Variants in DPP10 observed in about 807,000 individuals in gnomAD.
DPP10 encodes the protein inactive dipeptidyl peptidase 10.
A neutral mutation model predicts 120.9 loss-of-function variants in DPP10; 33 were observed. The observed-to-expected ratio is 0.27, with a 90% CI of 0.21 to 0.37. The LOEUF (loss-of-function observed/expected upper bound fraction) is 0.37. Among genes scored for constraint, DPP10 ranks in the 10% least tolerant of loss-of-function variants. The pLI is 1.00. For synonymous variants in DPP10, 337 were observed against 326.1 expected (o/e 1.03, Z -0.36); for missense variants, 816 against 942.8 (o/e 0.87, Z 1.76).
intron 1 of DPP10, among the ~76,000 whole-genome samples, chr2:114,581,626 A>T (rs1289454666): frequency 2.6e-5 from 4 of 152,116 alleles, no homozygotes; most frequent in Non-Finnish European, 5.9e-5. Flanking sequence ...GGCCTTTTAT[A>T]GTTACTCTTT....
At chr2:114,739,558 C>A (rs1033672218) in intron 1 of DPP10, among the ~76,000 whole-genome samples, 2 of 152,054 alleles carry the variant, frequency 1.3e-5, no homozygotes, top group African/African-American at 2.4e-5. Flanking sequence ...ACTTGGGAGG[C>A]TGAGACAGGA....
At chr2:114,877,212 T>G in intron 1 of DPP10, among the ~76,000 whole-genome samples, 1 of 152,066 alleles carries the variant, frequency 6.6e-6, no homozygotes, top group South Asian at 2.1e-4. Flanking sequence ...AACTTCCTGA[T>G]GTGTGCATAT....
intron 1 of DPP10, among the ~76,000 whole-genome samples, chr2:114,595,440 A>G (rs1691827580): frequency 1.3e-5 from 2 of 152,120 alleles, no homozygotes; most frequent in African/African-American, 4.8e-5. Flanking sequence ...TGGCCCAGAA[A>G]TTGTAGAAAA....
chr2:114,565,881 A>ATTCG (rs1052572787), intron 1 of DPP10, among the ~76,000 whole-genome samples: 2 of 152,154 alleles, frequency 1.3e-5, no homozygotes, highest in African/African-American at 4.8e-5. Context: ...GAATAGATTC[A>ATTCG]TTCATTCATT....
At chr2:115,638,066 T>C (rs569707271) in intron 5 of DPP10, among the ~76,000 whole-genome samples, 4 of 152,246 alleles carry the variant, frequency 2.6e-5, no homozygotes, top group Non-Finnish European at 5.9e-5. Flanking sequence ...ACTTTTCCTC[T>C]GAATAAGATT....
chr2:115,790,048 G>GTA (rs1444401051), intron 17 of DPP10, among the ~76,000 whole-genome samples: 1 of 150,262 alleles, frequency 6.7e-6, no homozygotes, highest in African/African-American at 2.4e-5. Context: ...ATATGTGAAT[G>GTA]TATATATATG....
At chr2:114,832,467 C>T (rs1227446933) in intron 1 of DPP10, among the ~76,000 whole-genome samples, 2 of 152,040 alleles carry the variant, frequency 1.3e-5, no homozygotes, top group African/African-American at 2.4e-5. Flanking sequence ...TCCAAGAGTT[C>T]GAGGTTGCAG....
At chr2:115,518,873 T>C (rs1032607433) in intron 4 of DPP10, among the ~76,000 whole-genome samples, 24 of 152,166 alleles carry the variant, frequency 1.6e-4, no homozygotes, top group African/African-American at 5.3e-4. Flanking sequence ...ATATGCTGTA[T>C]TCTTTAATGC....
intron 1 of DPP10, among the ~76,000 whole-genome samples, chr2:114,698,991 C>A (rs1700227026): frequency 6.6e-6 from 1 of 152,090 alleles, no homozygotes. Context: ...ACTTCCCAGG[C>A]ATTATGCTTT....
intron 1 of DPP10, among the ~76,000 whole-genome samples, chr2:114,468,714 G>T (rs1056545811): frequency 2.6e-5 from 4 of 152,132 alleles, no homozygotes; most frequent in African/African-American, 9.7e-5. Flanking sequence ...ACTGCATCTT[G>T]AATGCTGCTT....
chr2:115,269,130 G>C (rs993718321), intron 1 of DPP10, among the ~76,000 whole-genome samples: 1 of 152,218 alleles, frequency 6.6e-6, no homozygotes, highest in Non-Finnish European at 1.5e-5. Flanking sequence ...CTAGGTGACA[G>C]AGTGAGACTC....
At chr2:115,792,957 C>A (rs188103240) in intron 19 of DPP10, among the ~76,000 whole-genome samples, 1 of 152,084 alleles carries the variant, frequency 6.6e-6, no homozygotes, top group African/African-American at 2.4e-5. Context: ...TGCCCACTTG[C>A]GTATCCACCT....
intron 1 of DPP10, among the ~76,000 whole-genome samples, chr2:115,264,707 A>G (rs1467651524): frequency 3.3e-5 from 5 of 152,242 alleles, no homozygotes; most frequent in Non-Finnish European, 5.9e-5. Flanking sequence ...CTTGAGAAAG[A>G]TAATAGACAA....
At chr2:115,620,412 T>C (rs2084856799) in intron 5 of DPP10, among the ~76,000 whole-genome samples, 1 of 152,258 alleles carries the variant, frequency 6.6e-6, no homozygotes, top group Non-Finnish European at 1.5e-5. Flanking sequence ...TAGTTCATCA[T>C]TCTTTTCAGA....
rs900111043 is a variant in DPP10 at position 114,828,209 on chromosome 2, G to A, written c.60+385371G>A. ...CTCTGATAATGGGTAGATGGTCTAC[G>A]GCCATACCACCCTGAACACTCCCCG... On this transcript the variant is annotated intron_variant, in intron 1 of 25. Coordinates refer to ENST00000410059, the MANE Select transcript of DPP10 (RefSeq NM_020868.6). Among the ~76,000 whole-genome samples the A allele has an allele frequency of 3.3e-5, 5 of 152,138 alleles. No homozygotes were observed. In the East Asian group the frequency reaches 9.7e-4, roughly 29 times the overall value.
chr2:114,519,278 C>T (rs1249939428), intron 1 of DPP10, among the ~76,000 whole-genome samples: 3 of 152,216 alleles, frequency 2.0e-5, no homozygotes, highest in Non-Finnish European at 4.4e-5. Flanking sequence ...CTGTTTTCCT[C>T]ATCTTAGCGA....
chr2:114,768,584 C>T (rs1680954150), intron 1 of DPP10, among the ~76,000 whole-genome samples: 1 of 152,112 alleles, frequency 6.6e-6, no homozygotes, highest in African/African-American at 2.4e-5. Context: ...CTGGATAAGT[C>T]AGGATACTTT....
chr2:115,449,606 C>T (rs1037354512), intron 3 of DPP10, among the ~76,000 whole-genome samples: 11 of 151,960 alleles, frequency 7.2e-5, no homozygotes, highest in Non-Finnish European at 1.5e-4. Context: ...TGAACACATC[C>T]CAGTCTCTCT....
At chr2:115,395,161 G>T (rs1370527500) in intron 3 of DPP10, among the ~76,000 whole-genome samples, 1 of 152,174 alleles carries the variant, frequency 6.6e-6, no homozygotes, top group Non-Finnish European at 1.5e-5. Context: ...TTTATGATCA[G>T]GGTGCTGGCA....
Sources: gnomAD v4.1 joint callset for allele counts (sites outside exome capture counted in the v4.1 genomes callset) on GRCh38, gnomAD v4.1.1 for gene constraint, MANE v1.5 for transcripts, NCBI Gene and HGNC (gene_info 2026-07-23, HGNC 2026-07-21) for gene names.